The following PKIA variants were observed in gnomAD, a reference collection of about 807,000 sequenced individuals.
PKIA encodes PKI-alpha.
Under a neutral mutation model 7.6 loss-of-function variants are expected in PKIA, and 4 were observed. That is an observed-to-expected ratio of 0.52 (90% CI 0.26 to 1.20). The LOEUF is 1.20. Among genes scored for constraint, PKIA ranks in the 50% most tolerant of loss-of-function variants. The pLI, the probability that PKIA is intolerant of heterozygous loss-of-function variation, is 0.13. For synonymous variants in PKIA, 21 were observed against 30.7 expected, an observed-to-expected ratio of 0.68 and a Z score of 1.04; for missense variants, 73 against 86.2, an observed-to-expected ratio of 0.85 and a Z score of 0.61.
At chr8:78,590,533 G>T (rs1196279804) in intron 2 of PKIA, among the ~76,000 whole-genome samples, 1 of 152,012 alleles carries the variant, frequency 6.6e-6, no homozygotes, top group African/African-American at 2.4e-5. Context: ...AACATGTTAA[G>T]AGATACTGAA....
chr8:78,597,584 A>AC (rs1220372021), intron 2 of PKIA, among the ~76,000 whole-genome samples: 4 of 151,620 alleles, frequency 2.6e-5, no homozygotes, highest in Non-Finnish European at 5.9e-5. Context: ...TTTACTTAGC[A>AC]CCCCCCACCT....
In PKIA at chr8:78,601,666, T is replaced by C. The variant is rs571963405; in HGVS notation, c.152-76T>C. On this transcript the variant is annotated intron_variant, in intron 3 of 3. Transcript: ENST00000396418. ...TTTAGTATTTCTGAAGTTACCAATA[T>C]GACATATTGACAGTTGGTAAATAAA... 67 of 1,056,936 alleles carry C rather than the reference T, an allele frequency of 6.3e-5. 3 individuals carry two copies. The South Asian group carries it at 8.6e-4, about 13-fold the overall frequency. 65.5% of individuals were successfully genotyped at this position (1,056,936 alleles called of 1,614,324 possible).
At chr8:78,590,315 G>A (rs955296966) in intron 2 of PKIA, among the ~76,000 whole-genome samples, 7 of 150,880 alleles carry the variant, frequency 4.6e-5, no homozygotes, top group Admixed American at 3.3e-4. Flanking sequence ...AAAAAATTGC[G>A]TGGACAAAAG....
At chr8:78,526,930 G>A (rs1268175156) in intron 1 of PKIA, among the ~76,000 whole-genome samples, 1 of 151,878 alleles carries the variant, frequency 6.6e-6, no homozygotes, top group Non-Finnish European at 1.5e-5. Flanking sequence ...TTTCTTATAT[G>A]GATTTCTGTT....
At chr8:78,543,427 G>A (rs1806745014) in intron 1 of PKIA, among the ~76,000 whole-genome samples, 1 of 152,148 alleles carries the variant, frequency 6.6e-6, no homozygotes, top group Admixed American at 6.6e-5. Flanking sequence ...ACAAACTAAA[G>A]TTTCAGGGAC....
intron 1 of PKIA, among the ~76,000 whole-genome samples, chr8:78,562,909 T>A (rs988848817): frequency 6.6e-6 from 1 of 151,824 alleles, no homozygotes; most frequent in Non-Finnish European, 1.5e-5. Context: ...TGAATGAATA[T>A]GTGAAGGAAT....
chr8:78,601,688 T>C, intron 3 of PKIA, 54 bp from the exon 4 acceptor site: 1 of 1,344,848 alleles, frequency 7.4e-7, no homozygotes. Context: ...AGTTGGTAAA[T>C]AAAAGCAATC....
intron 1 of PKIA, among the ~76,000 whole-genome samples, chr8:78,526,107 T>C (rs778951730): frequency 5.9e-5 from 9 of 152,086 alleles, no homozygotes; most frequent in Non-Finnish European, 1.3e-4. Context: ...ACCTCATTAC[T>C]ACATCTTTTC....
At chr8:78,559,079 G>C (rs1422286945) in intron 1 of PKIA, among the ~76,000 whole-genome samples, 1 of 152,000 alleles carries the variant, frequency 6.6e-6, no homozygotes, top group African/African-American at 2.4e-5. Context: ...GCGCCACAAC[G>C]CCTGGCTAAT....
At chr8:78,542,174 TAAG>T (rs1050381473) in intron 1 of PKIA, among the ~76,000 whole-genome samples, 2 of 152,028 alleles carry the variant, frequency 1.3e-5, no homozygotes, top group Non-Finnish European at 2.9e-5. Flanking sequence ...AAAAATACAG[TAAG>T]AAGAGCCATG....
intron 1 of PKIA, among the ~76,000 whole-genome samples, chr8:78,524,471 T>G (rs1003620771): frequency 2.0e-5 from 3 of 151,618 alleles, no homozygotes; most frequent in African/African-American, 7.3e-5. Context: ...TTTCCTGCAG[T>G]GAGTCAAGCT....
chr8:78,580,602 C>G (rs1222467936), intron 2 of PKIA, among the ~76,000 whole-genome samples: 1 of 152,004 alleles, frequency 6.6e-6, no homozygotes, highest in African/African-American at 2.4e-5. Flanking sequence ...AGAAGGACAT[C>G]TACATGGGGA....
At chr8:78,518,894 T>C (rs996036694) in intron 1 of PKIA, among the ~76,000 whole-genome samples, 4 of 152,214 alleles carry the variant, frequency 2.6e-5, no homozygotes, top group Admixed American at 6.5e-5. Flanking sequence ...ATTTGGACTT[T>C]GTTGTGTTTA....
intron 2 of PKIA, among the ~76,000 whole-genome samples, chr8:78,578,036 T>C (rs1807716527): frequency 6.6e-6 from 1 of 152,012 alleles, no homozygotes; most frequent in South Asian, 2.1e-4. Flanking sequence ...AAATGTAAGA[T>C]ATCACTGGTA....
At chr8:78,549,410 A>G (rs1024942120) in intron 1 of PKIA, among the ~76,000 whole-genome samples, 1 of 152,058 alleles carries the variant, frequency 6.6e-6, no homozygotes, top group Non-Finnish European at 1.5e-5. Context: ...TTTTTAACTT[A>G]GAACTAAATT....
At chr8:78,581,570 T>A (rs1807807271) in intron 2 of PKIA, among the ~76,000 whole-genome samples, 1 of 152,130 alleles carries the variant, frequency 6.6e-6, no homozygotes, top group African/African-American at 2.4e-5. Flanking sequence ...AGAGCTTCAC[T>A]GTGATTTTCC....
chr8:78,572,553 A>ACACACG (rs1807577384), intron 1 of PKIA, among the ~76,000 whole-genome samples: 1 of 151,630 alleles, frequency 6.6e-6, no homozygotes, highest in South Asian at 2.1e-4. Context: ...ACACACACAC[A>ACACACG]CACACACACA....
intron 1 of PKIA, among the ~76,000 whole-genome samples, chr8:78,546,625 G>A (rs532669809): frequency 3.7e-4 from 56 of 152,256 alleles, no homozygotes; most frequent in African/African-American, 1.2e-3. Context: ...GATGTGGAGC[G>A]GAGTTTGAAA....
At chr8:78,598,320 C>A (rs1808275897) in intron 2 of PKIA, 38 bp from the exon 3 acceptor site, 7 of 1,286,052 alleles carry the variant, frequency 5.4e-6, no homozygotes, top group Non-Finnish European at 2.2e-6. Flanking sequence ...GCATTGACTA[C>A]CATTATATTC....
Sources: allele counts gnomAD v4.1 joint callset (sites outside exome capture counted in the v4.1 genomes callset), GRCh38; gene constraint gnomAD v4.1.1; transcripts MANE v1.5; gene names NCBI Gene and HGNC (gene_info 2026-07-23, HGNC 2026-07-21).